The following SLCO4C1 variants were observed in gnomAD, a reference collection of about 807,000 sequenced individuals.
The protein encoded by SLCO4C1 is organic anion transporter M1.
A neutral mutation model predicts 72.1 loss-of-function variants in SLCO4C1; 58 were observed. The observed-to-expected ratio is 0.80, with a 90% CI of 0.65 to 1.00. SLCO4C1 has a LOEUF of 1.00. SLCO4C1 is among the 50% of genes least tolerant of loss of function. SLCO4C1 has a pLI of 0.00. For synonymous variants in SLCO4C1, 297 were observed against 312.5 expected, an observed-to-expected ratio of 0.95 and a Z score of 0.52; for missense variants, 898 against 857.9, an observed-to-expected ratio of 1.05 and a Z score of -0.58.
intron 5 of SLCO4C1, among the ~76,000 whole-genome samples, chr5:102,261,503 CT>C (rs1748943532): frequency 6.8e-6 from 1 of 147,076 alleles, no homozygotes; most frequent in Admixed American, 6.8e-5. Flanking sequence ...TCAGTGATAA[CT>C]TAAAAAAAAA....
chr5:102,247,920 T>A (rs1372739000), intron 9 of SLCO4C1, among the ~76,000 whole-genome samples: 1 of 40,502 alleles, frequency 2.5e-5, no homozygotes, highest in South Asian at 7.3e-4. Context: ...CCAGAAACTT[T>A]TTTTTTTTTT....
intron 9 of SLCO4C1, among the ~76,000 whole-genome samples, 158 bp from the exon 10 acceptor site, chr5:102,247,600 A>T (rs1442383721): frequency 6.6e-6 from 1 of 152,202 alleles, no homozygotes; most frequent in Admixed American, 6.5e-5. Context: ...GAAATTAAGC[A>T]AGTGGAAACA....
chr5:102,241,860 A>G (rs1025863987), intron 10 of SLCO4C1, among the ~76,000 whole-genome samples: 30 of 152,188 alleles, frequency 2.0e-4, no homozygotes, highest in Non-Finnish European at 4.3e-4. Flanking sequence ...CAGAAAAAAA[A>G]ACACAACACT....
chr5:102,293,626 A>G (rs1749594930), intron 1 of SLCO4C1, among the ~76,000 whole-genome samples: 1 of 152,242 alleles, frequency 6.6e-6, no homozygotes, highest in Non-Finnish European at 1.5e-5. Flanking sequence ...ATTTAAATAT[A>G]CCATGGAAAT....
Position 102,286,319 on chromosome 5 carries a change from C to T in SLCO4C1, c.619+5024G>A, listed in dbSNP as rs76143231. Among the ~76,000 whole-genome samples, 106 of 152,118 alleles carry T rather than the reference C, an allele frequency of 7.0e-4. 3 individuals carry two copies. The East Asian group carries it at 0.019, about 28-fold the overall frequency. ...ACTAGGCTAAGTAACTACTTTTCTACAATTCCTCAGTATTTAATAATGCCT... is the reference window on the plus strand; with the variant it reads ...ACTAGGCTAAGTAACTACTTTTCTATAATTCCTCAGTATTTAATAATGCCT... On this transcript the variant is annotated intron_variant, in intron 2 of 12. Coordinates refer to ENST00000310954, the MANE Select transcript of SLCO4C1 (RefSeq NM_180991.5).
chr5:102,239,395 G>T lies in SLCO4C1; in HGVS notation c.1877-7C>A, dbSNP rs370306016. On this transcript the variant is annotated splice_polypyrimidine_tract_variant and splice_region_variant and intron_variant, in intron 11 of 12. Transcript: ENST00000310954. ...ATTGGTCCAGGAATTGTCCCTAAAAGAATTATGGGTGAAATATACAACAGT... is the reference window on the plus strand; with the variant it reads ...ATTGGTCCAGGAATTGTCCCTAAAATAATTATGGGTGAAATATACAACAGT... 3.2e-5 allele frequency: 49 copies of T among 1,553,976 alleles called. No homozygotes were observed. The highest frequency in any genetic ancestry group is 1.5e-4 in the Admixed American group (8 of 51,772).
chr5:102,252,710 T>C (rs779431466), intron 8 of SLCO4C1, among the ~76,000 whole-genome samples: 8 of 152,132 alleles, frequency 5.3e-5, no homozygotes, highest in East Asian at 1.9e-4. Flanking sequence ...CAAAGAAATA[T>C]AGCTTATATT....
At position 102,237,024 on chromosome 5, in the gene SLCO4C1, T is replaced by TA; in HGVS notation, c.2015-7_2015-6insT. ...GATAACTTTACAAGTAACACCTAAG[T>TA]GAAAAAAAAAATTAATCATGTGCTT... On this transcript the variant is annotated splice_polypyrimidine_tract_variant and splice_region_variant and intron_variant, in intron 12 of 12. Coordinates refer to ENST00000310954, the MANE Select transcript of SLCO4C1 (RefSeq NM_180991.5). 1 of 1,561,666 alleles carries TA rather than the reference T, an allele frequency of 6.4e-7. No homozygotes were observed. Among genetic ancestry groups the TA allele is most frequent in the East Asian group, 2.3e-5 (1 of 43,962 alleles).
rs1411546108 is a variant in SLCO4C1, at chr5:102,273,774, A to T, written c.620-2968T>A. Among the ~76,000 whole-genome samples the T allele has an allele frequency of 5.3e-5, 8 of 152,310 alleles. No individual in the cohort carries two copies. In the East Asian group the frequency reaches 1.3e-3, roughly 26 times the overall value. ...GTGTACCTTAAGATAATCAGAAGCA[A>T]ATTGTACTTTTATAATACAGTTTAT... On this transcript the variant is annotated intron_variant, in intron 2 of 12. Transcript: ENST00000310954.
intron 2 of SLCO4C1, among the ~76,000 whole-genome samples, chr5:102,277,162 T>C (rs1356970674): frequency 6.6e-6 from 1 of 151,876 alleles, no homozygotes; most frequent in Non-Finnish European, 1.5e-5. Context: ...AAGAAGCAGC[T>C]TGGCAAGGCA....
chr5:102,252,044 G>A (rs918212834), intron 8 of SLCO4C1, among the ~76,000 whole-genome samples: 1 of 151,116 alleles, frequency 6.6e-6, no homozygotes, highest in Non-Finnish European at 1.5e-5. Flanking sequence ...AAGAAGGAAG[G>A]GAGAAAAGCG....
At chr5:102,238,478 CTCT>C (rs1748479578) in intron 12 of SLCO4C1, among the ~76,000 whole-genome samples, 2 of 152,032 alleles carry the variant, frequency 1.3e-5, no homozygotes. Context: ...ATTACTCTAT[CTCT>C]ATCAACTCAG....
intron 2 of SLCO4C1, among the ~76,000 whole-genome samples, chr5:102,286,627 T>C (rs991914413): frequency 1.3e-5 from 2 of 152,130 alleles, no homozygotes; most frequent in Admixed American, 1.3e-4. Flanking sequence ...ATAGCATGTA[T>C]TTGTTCCTCT....
At chr5:102,278,345 A>C (rs1749288122) in intron 2 of SLCO4C1, among the ~76,000 whole-genome samples, 1 of 152,184 alleles carries the variant, frequency 6.6e-6, no homozygotes, top group South Asian at 2.1e-4. Context: ...TAAAACATGA[A>C]GCAGAAATTT....
chr5:102,257,560 C>T (rs545309278), intron 7 of SLCO4C1, among the ~76,000 whole-genome samples: 3 of 150,988 alleles, frequency 2.0e-5, no homozygotes, highest in African/African-American at 4.9e-5. Context: ...CTAGTTCATA[C>T]AAAAGATTGC....
chr5:102,295,952 G>C lies in SLCO4C1; in HGVS notation c.311C>G (p.Pro104Arg). ...HPQCLQRCNT[P>R]GGFLLHYCLL... ...GCAGTAGTGAAGCAGAAAGCCTCCA[G>C]GTGTGTTGCAGCGCTGGAGACATTG... is the stretch of plus-strand genomic sequence containing the variant. The change falls in exon 1 of 13, where the codon CCT (proline) becomes CGT (arginine). Residue 104 changes from proline (P) to arginine (R), a missense_variant. By Grantham distance (103) the Pro-to-Arg change is moderately radical. Transcript: ENST00000310954. The C allele has an allele frequency of 6.2e-7, 1 of 1,614,256 alleles. No homozygotes were observed. The highest frequency in any genetic ancestry group is 8.5e-7 in the Non-Finnish European group (1 of 1,180,044).
chr5:102,257,275 T>C lies in SLCO4C1; in HGVS notation c.1309A>G (p.Ile437Val). 6.2e-7 allele frequency: 1 copy of C among 1,603,234 alleles called. No individual in the cohort carries two copies. Among genetic ancestry groups the C allele is most frequent in the Non-Finnish European group, 8.5e-7 (1 of 1,176,016 alleles). ...TTTGAAACAAGGAAGCCACCTAAAA[T>C]TTGACCGAGAGCAGCTCCAGGAATT... is the stretch of plus-strand genomic sequence containing the variant. The part of the protein sequence containing the change: ...VLIPGAALGQ[I>V]LGGFLVSKFR... Residue 437 changes from isoleucine (I) to valine (V), a missense_variant, in exon 8 of 13, where the codon ATT (isoleucine) becomes GTT (valine). Coordinates refer to ENST00000310954, the MANE Select transcript of SLCO4C1 (RefSeq NM_180991.5).
chr5:102,258,748 A>G (rs1748885015), intron 6 of SLCO4C1, among the ~76,000 whole-genome samples: 1 of 151,998 alleles, frequency 6.6e-6, no homozygotes, highest in South Asian at 2.1e-4. Flanking sequence ...CAAGCAAAAC[A>G]CAAACACACA....
chr5:102,263,727 C>T lies in SLCO4C1; in HGVS notation c.856G>A (p.Gly286Arg), dbSNP rs573882552. ...LGPAIGYVLGGQLLTIYIDVA... is the reference protein window; with the variant it reads ...LGPAIGYVLGRQLLTIYIDVA... ...TCAATGTATATGGTTAGCAGTTGTC[C>T]TCCCAATACATAGCCAATAGCAGGG... The change falls in exon 4 of 13, where the codon GGA becomes AGA. Residue 286 changes from glycine to arginine, a missense_variant. Coordinates refer to ENST00000310954, the MANE Select transcript of SLCO4C1 (RefSeq NM_180991.5). 2.5e-6 allele frequency: 4 copies of T among 1,612,848 alleles called. No individual in the cohort carries two copies. In the Admixed American group the frequency reaches 6.7e-5, roughly 27 times the overall value.
Sources: allele counts gnomAD v4.1 joint callset (sites outside exome capture counted in the v4.1 genomes callset), GRCh38; gene constraint gnomAD v4.1.1; transcripts MANE v1.5; gene names NCBI Gene and HGNC (gene_info 2026-07-23, HGNC 2026-07-21).